The following ZNF782 variants were observed in gnomAD, a reference collection of about 807,000 sequenced individuals.
The protein encoded by ZNF782 is zinc finger protein 782.
A neutral mutation model predicts 13.0 loss-of-function variants in ZNF782; 12 were observed. That is an observed-to-expected ratio of 0.92 (90% CI 0.59 to 1.50). The LOEUF (loss-of-function observed/expected upper bound fraction) is 1.50, where lower values mean the gene tolerates loss of function less well. ZNF782 is among the 40% of genes most tolerant of loss of function. The pLI is 0.00. For missense variants in ZNF782, 770 were observed against 822.9 expected (o/e 0.94, Z 0.79); for synonymous variants, 284 against 283.0 (o/e 1.00, Z -0.04).
At chr9:96,892,502 C>T in the ZNF782 span, 1 of 152,246 alleles carries the variant, frequency 6.6e-6, no homozygotes, top group Admixed American at 6.5e-5. Flanking sequence ...AGTGACCCTT[C>T]CTCACGCCTT....
chr9:96,910,687 A>G, the ZNF782 span, among the ~76,000 whole-genome samples: 1 of 150,052 alleles, frequency 6.7e-6, no homozygotes, highest in Non-Finnish European at 1.5e-5. Flanking sequence ...CCCAGGCTGG[A>G]GTGCAGTGGT....
At chr9:96,907,186 A>G in the ZNF782 span, among the ~76,000 whole-genome samples, 9 of 152,226 alleles carry the variant, frequency 5.9e-5, no homozygotes, top group South Asian at 1.9e-3. Flanking sequence ...ATTCAGTGTT[A>G]AAAAGGAAAG....
chr9:96,903,648 C>T, the ZNF782 span, among the ~76,000 whole-genome samples: 1,865 of 144,214 alleles, frequency 0.013, 61 homozygotes, highest in African/African-American at 0.045. Context: ...CTGCAAGCTC[C>T]GCCTCCTGGG....
the ZNF782 span, chr9:96,932,253 A>G: frequency 6.2e-7 from 1 of 1,613,962 alleles, no homozygotes; most frequent in Non-Finnish European, 8.5e-7. Flanking sequence ...CAAGGGGCTC[A>G]TGGAGAGGGC....
chr9:96,831,382 C>G (rs1850794874), intron 4 of ZNF782, among the ~76,000 whole-genome samples: 1 of 152,116 alleles, frequency 6.6e-6, no homozygotes, highest in Admixed American at 6.5e-5. Context: ...TAAGATGTAT[C>G]TCTCAGAATG....
At chr9:96,875,297 C>A (rs923449385) in intron 1 of ZNF782, among the ~76,000 whole-genome samples, 1 of 152,200 alleles carries the variant, frequency 6.6e-6, no homozygotes, top group Non-Finnish European at 1.5e-5. Context: ...CTTCTAAATA[C>A]AATAGCAGCT....
intron 5 of ZNF782, among the ~76,000 whole-genome samples, chr9:96,825,493 T>C (rs981915572): frequency 6.6e-6 from 1 of 152,076 alleles, no homozygotes; most frequent in East Asian, 1.9e-4. Context: ...GACATAGGCA[T>C]GGGCAAGGAT....
At chr9:96,925,123 G>A in the ZNF782 span, among the ~76,000 whole-genome samples, 3 of 152,170 alleles carry the variant, frequency 2.0e-5, no homozygotes, top group Non-Finnish European at 4.4e-5. Context: ...TCCCTGCCCC[G>A]AACCACCGGC....
chr9:96,827,023 G>T (rs1429455394), intron 5 of ZNF782, 57 bp downstream of exon 5: 3 of 1,124,098 alleles, frequency 2.7e-6, no homozygotes, highest in Non-Finnish European at 3.9e-6. Flanking sequence ...ACGCTGAGTT[G>T]TGTGAGTACT....
At chr9:96,861,868 A>T (rs953905494) in intron 1 of ZNF782, among the ~76,000 whole-genome samples, 3 of 152,230 alleles carry the variant, frequency 2.0e-5, no homozygotes, top group African/African-American at 7.2e-5. Flanking sequence ...TCTCAAAACT[A>T]AAAATAGAGC....
the ZNF782 span, among the ~76,000 whole-genome samples, chr9:96,931,208 TTG>T: frequency 6.6e-6 from 1 of 151,734 alleles, no homozygotes; most frequent in African/African-American, 2.4e-5. Flanking sequence ...TTTTCTTTTG[TTG>T]TGTTGAGCTA....
chr9:96,913,951 G>A, the ZNF782 span, among the ~76,000 whole-genome samples: 1 of 147,448 alleles, frequency 6.8e-6, no homozygotes, highest in African/African-American at 2.5e-5. Flanking sequence ...ACCAGCCTGG[G>A]CAACACAGCG....
At chr9:96,832,822 A>G (rs1268688655) in intron 4 of ZNF782, among the ~76,000 whole-genome samples, 2 of 152,220 alleles carry the variant, frequency 1.3e-5, no homozygotes, top group African/African-American at 4.8e-5. Flanking sequence ...TATCCTGTAT[A>G]GAATTTACTC....
chr9:96,830,958 AG>A (rs1426231165), intron 4 of ZNF782, among the ~76,000 whole-genome samples: 3 of 152,360 alleles, frequency 2.0e-5, no homozygotes, highest in African/African-American at 7.2e-5. Context: ...AAGAGGACAG[AG>A]GAAATAATCC....
chr9:96,931,008 T>C, the ZNF782 span, among the ~76,000 whole-genome samples: 1 of 149,268 alleles, frequency 6.7e-6, no homozygotes, highest in African/African-American at 2.5e-5. Context: ...AATTCTCCTG[T>C]CTCAGCCTCC....
intron 3 of ZNF782, among the ~76,000 whole-genome samples, chr9:96,848,839 G>A (rs965747122): frequency 4.6e-5 from 7 of 152,120 alleles, no homozygotes; most frequent in South Asian, 2.1e-4. Flanking sequence ...AAATTCATAC[G>A]GAATAAAAAA....
intron 1 of ZNF782, among the ~76,000 whole-genome samples, chr9:96,867,858 C>T (rs1305239100): frequency 1.3e-5 from 2 of 152,120 alleles, no homozygotes; most frequent in Non-Finnish European, 2.9e-5. Flanking sequence ...GCAGCTGTGT[C>T]CTGTTTGGAC....
intron 3 of ZNF782, among the ~76,000 whole-genome samples, chr9:96,847,742 T>C (rs1289720867): frequency 1.3e-5 from 2 of 152,166 alleles, no homozygotes; most frequent in African/African-American, 4.8e-5. Context: ...CTACCAGATA[T>C]TTAAAGAAGA....
the ZNF782 span, chr9:96,902,906 G>C: frequency 6.6e-6 from 1 of 150,820 alleles, no homozygotes; most frequent in Non-Finnish European, 1.5e-5. Context: ...GGGTTCCAGC[G>C]ATCCTCCCAC....
Sources: allele counts gnomAD v4.1 joint callset (sites outside exome capture counted in the v4.1 genomes callset), GRCh38; gene constraint gnomAD v4.1.1; transcripts MANE v1.5; gene names NCBI Gene and HGNC (gene_info 2026-07-23, HGNC 2026-07-21).